The following ANOS1 variants were observed in gnomAD, a reference collection of about 807,000 sequenced individuals.
The protein encoded by ANOS1 is anosmin-1.
In ANOS1, 6 loss-of-function variants were observed where a neutral mutation model predicts 59.0. The observed-to-expected ratio is 0.10, with a 90% CI of 0.06 to 0.20. The LOEUF is 0.20. Among genes scored for constraint, ANOS1 ranks in the 10% least tolerant of loss-of-function variants. The pLI, the probability that ANOS1 is intolerant of heterozygous loss-of-function variation, is 1.00. For missense variants in ANOS1, 433 were observed against 542.3 expected (o/e 0.80, Z 2.00); for synonymous variants, 217 against 223.4 (o/e 0.97, Z 0.25).
chrX:8,540,232 C>A (rs1333742549), intron 9 of ANOS1, among the ~76,000 whole-genome samples: 3 of 111,237 alleles, frequency 2.7e-5, no homozygotes, highest in Non-Finnish European at 5.7e-5. Flanking sequence ...ACTATTGAAT[C>A]CACACAAGAA....
chrX:8,658,535 T>TTGGA (rs2146869659), intron 2 of ANOS1, among the ~76,000 whole-genome samples: 1 of 112,454 alleles, frequency 8.9e-6, no homozygotes, highest in East Asian at 2.8e-4. Context: ...TATCTATCTG[T>TTGGA]TGGATGGATG....
chrX:8,601,974 C>T (rs1036114069), intron 3 of ANOS1, among the ~76,000 whole-genome samples: 1 of 111,997 alleles, frequency 8.9e-6, no homozygotes, highest in Non-Finnish European at 1.9e-5. Flanking sequence ...TTCCAACCCA[C>T]TACTTCCAGA....
chrX:8,632,214 T>C (rs947121256), intron 2 of ANOS1, among the ~76,000 whole-genome samples: 1 of 112,365 alleles, frequency 8.9e-6, no homozygotes. Flanking sequence ...ATCCCTCATC[T>C]ACCTCAAGCT....
intron 4 of ANOS1, among the ~76,000 whole-genome samples, chrX:8,591,323 TA>T (rs991279115): frequency 1.7e-3 from 183 of 110,001 alleles, no homozygotes; most frequent in African/African-American, 5.9e-3. Flanking sequence ...TGGTGCATAG[TA>T]AAAAAAAATG....
chrX:8,701,538 T>A (rs1296438961), intron 1 of ANOS1, among the ~76,000 whole-genome samples: 2 of 111,964 alleles, frequency 1.8e-5, no homozygotes, highest in African/African-American at 6.5e-5. Flanking sequence ...TCCCATTCTG[T>A]CTTCCCCACT....
chrX:8,668,811 C>A (rs1932207959), intron 2 of ANOS1, among the ~76,000 whole-genome samples: 1 of 110,604 alleles, frequency 9.0e-6, no homozygotes, highest in Non-Finnish European at 1.9e-5. Context: ...GCAAATCAAC[C>A]TGTGGGAGCC....
chrX:8,650,501 T>C (rs1406476266), intron 2 of ANOS1, among the ~76,000 whole-genome samples: 1 of 112,152 alleles, frequency 8.9e-6, no homozygotes, highest in Non-Finnish European at 1.9e-5. Context: ...GCGGATCACT[T>C]GAAGTCAGGA....
chrX:8,587,783 G>A lies in ANOS1; in HGVS notation c.726+11C>T, dbSNP rs765222392. 3 of 1,187,869 alleles carry A rather than the reference G, an allele frequency of 2.5e-6. No homozygotes were observed. ...CCAGGATGAAAATCAAAGTCTATAT[G>A]AGGTTCTTACCTGGGCCACTGTCTG... is the stretch of plus-strand genomic sequence containing the variant. On this transcript the variant is annotated intron_variant, in intron 5 of 13. Transcript: ENST00000262648.
chrX:8,637,151 C>G (rs1931586018), intron 2 of ANOS1, among the ~76,000 whole-genome samples: 1 of 112,302 alleles, frequency 8.9e-6, no homozygotes, highest in East Asian at 2.8e-4. Flanking sequence ...GAGCAGCAAG[C>G]ACTAACTCAG....
intron 2 of ANOS1, among the ~76,000 whole-genome samples, chrX:8,632,624 G>C (rs1478611576): frequency 9.0e-6 from 1 of 111,425 alleles, no homozygotes; most frequent in Non-Finnish European, 1.9e-5. Flanking sequence ...CCAGAACATG[G>C]AATGAGAAGG....
At chrX:8,645,989 T>C (rs1931747058) in intron 2 of ANOS1, among the ~76,000 whole-genome samples, 1 of 108,582 alleles carries the variant, frequency 9.2e-6, no homozygotes, top group Admixed American at 9.8e-5. Flanking sequence ...GGTTTCACAA[T>C]GTTGGCCAGG....
intron 2 of ANOS1, among the ~76,000 whole-genome samples, chrX:8,690,603 T>C (rs1044149539): frequency 1.8e-5 from 2 of 111,606 alleles, no homozygotes; most frequent in African/African-American, 6.5e-5. Flanking sequence ...TTTACAGTCA[T>C]TACCACATAA....
intron 8 of ANOS1, among the ~76,000 whole-genome samples, chrX:8,562,127 G>T (rs1233011375): frequency 1.8e-5 from 2 of 110,097 alleles, no homozygotes; most frequent in Non-Finnish European, 3.8e-5. Flanking sequence ...TTTTAGTAGA[G>T]ATGGGGTTTT....
chrX:8,715,629 T>C (rs985681852), intron 1 of ANOS1, among the ~76,000 whole-genome samples: 2 of 110,512 alleles, frequency 1.8e-5, no homozygotes, highest in African/African-American at 6.6e-5. Context: ...CATGTCATGC[T>C]CTACTGATTG....
chrX:8,534,489 C>T (rs1395921892), intron 12 of ANOS1, 29 bp from the exon 13 acceptor site: 4 of 1,197,824 alleles, frequency 3.3e-6, no homozygotes, highest in South Asian at 1.8e-5. Flanking sequence ...AGAGCATGCT[C>T]ACCGACAACC....
intron 6 of ANOS1, among the ~76,000 whole-genome samples, chrX:8,581,540 C>T (rs1249927579): frequency 1.8e-5 from 2 of 111,835 alleles, no homozygotes; most frequent in Admixed American, 9.5e-5. Flanking sequence ...AAAATGTAAG[C>T]ACTGAATTCA....
chrX:8,685,604 GAAAGAAAGAAAGAAAGAAAGAAAGA>G (rs1932503448), intron 2 of ANOS1, among the ~76,000 whole-genome samples: 3 of 65,696 alleles, frequency 4.6e-5, no homozygotes, highest in South Asian at 9.3e-4. Flanking sequence ...AAGGAAGAAA[GAAAGAAAGAAAGAAAGAAAGAAAGA>G]AAGAAAGAAA....
intron 12 of ANOS1, 134 bp from the exon 13 acceptor site, chrX:8,534,594 G>C: frequency 1.6e-6 from 1 of 618,795 alleles, no homozygotes. Flanking sequence ...CTTTGTAAAG[G>C]CATAGTTTAA....
intron 2 of ANOS1, among the ~76,000 whole-genome samples, chrX:8,667,889 TG>T (rs1216007286): frequency 1.8e-5 from 2 of 111,257 alleles, no homozygotes; most frequent in Admixed American, 1.9e-4. Flanking sequence ...CCAGATGGAC[TG>T]GATTAGAATC....
Sources: gnomAD v4.1 joint callset for allele counts (sites outside exome capture counted in the v4.1 genomes callset) on GRCh38, gnomAD v4.1.1 for gene constraint, MANE v1.5 for transcripts, NCBI Gene and HGNC (gene_info 2026-07-23, HGNC 2026-07-21) for gene names.